The following CCDC27 variants were observed in gnomAD, a reference collection of about 807,000 sequenced individuals.
The protein encoded by CCDC27 is coiled-coil domain containing 27.
CCDC27 carries 80 observed loss-of-function variants against 80.3 expected under a neutral mutation model. That is an observed-to-expected ratio of 1.00 (90% CI 0.83 to 1.20). The LOEUF is 1.20. Among genes scored for constraint, CCDC27 ranks in the 50% most tolerant of loss-of-function variants. The pLI, the probability that CCDC27 is intolerant of heterozygous loss-of-function variation, is 0.00. For missense variants in CCDC27, 815 were observed against 809.4 expected, an observed-to-expected ratio of 1.01 and a Z score of -0.08; for synonymous variants, 342 against 334.3, an observed-to-expected ratio of 1.02 and a Z score of -0.25.
rs768832999 is a variant in CCDC27 at position 3,752,707 on chromosome 1, CGGGACGCCCGGTGCCCAGA to C, written c.227_245del (p.Arg76HisfsTer128). 6.2e-7 allele frequency: 1 copy of C among 1,613,908 alleles called. No homozygotes were observed. Among genetic ancestry groups the C allele is most frequent in the South Asian group, 1.1e-5 (1 of 91,086 alleles). ...GGTGCTCCTCCAGAGCATGGCCAGC[CGGGACGCCCGGTGCCCAGA>C]ATGGAAACCGCACCAAAAGCCACGC... On this transcript the variant is annotated frameshift_variant, in exon 1 of 12. Coordinates refer to ENST00000294600, the MANE Select transcript of CCDC27 (RefSeq NM_152492.3). LOFTEE classifies it high-confidence loss of function.
At position 3,766,080 on chromosome 1, in the gene CCDC27, T is replaced by C. The variant is rs2124596704; in HGVS notation, c.1453-455T>C. ...AGATAGGATCTATGTTACCCACGCTTCTCTCAAATTCCCGACCTCAAGTGA... is the reference window on the plus strand; with the variant it reads ...AGATAGGATCTATGTTACCCACGCTCCTCTCAAATTCCCGACCTCAAGTGA... On this transcript the variant is annotated intron_variant, in intron 8 of 11. Transcript: ENST00000294600. The surrounding 1 kb of genome is among the most constrained non-coding windows in gnomAD (Gnocchi z 6.1). Among the ~76,000 whole-genome samples, 1 of 152,198 alleles carries C rather than the reference T, an allele frequency of 6.6e-6. No homozygotes were observed. Among genetic ancestry groups the C allele is most frequent in the East Asian group, 1.9e-4 (1 of 5,164 alleles).
At position 3,756,770 on chromosome 1, in the gene CCDC27, C is replaced by T. The variant is rs758804138; in HGVS notation, c.591C>T (p.Phe197=). 36 of 1,613,922 alleles carry T rather than the reference C, an allele frequency of 2.2e-5. No homozygotes were observed. The highest frequency in any genetic ancestry group is 6.7e-5 in the African/African-American group (5 of 74,908). The stretch of plus-strand genomic sequence containing the variant: ...CCTTCAGTAAGAGCATCTGCGAGTT[C>T]GATTACTTGCGGAAGAGGAGAAAAT... The part of the protein sequence containing the change: ...LLPFSKSICE[F]DYLRKRRKSQ... The change falls in exon 4 of 12, where the codon TTC becomes TTT. Residue 197 remains phenylalanine, a synonymous_variant. Coordinates refer to ENST00000294600, the MANE Select transcript of CCDC27 (RefSeq NM_152492.3).
chr1:3,761,656 G>T lies in CCDC27; in HGVS notation c.861+226G>T, dbSNP rs76278926. Among the ~76,000 whole-genome samples, 628 of 86,846 alleles carry T rather than the reference G, an allele frequency of 7.2e-3. 2 individuals are homozygous for T. Among genetic ancestry groups the T allele is most frequent in the Non-Finnish European group, 0.016 (446 of 27,242 alleles). 57.0% of individuals were successfully genotyped at this position (86,846 alleles called of 152,430 possible). A position where few individuals can be genotyped will look rare whatever the true frequency, so the allele number is the denominator to read the frequency against. On this transcript the variant is annotated intron_variant, in intron 5 of 11. Transcript: ENST00000294600. This position sits in a 1 kb window ranked among gnomAD's most constrained non-coding sequence, Gnocchi z 5.0. Reference sequence around the variant, plus strand: ...TGAGAGCCATGAGCTGATGCAACAGGGGGGGGAGAGATGAATGGAGGCGCA... The same window carrying T: ...TGAGAGCCATGAGCTGATGCAACAGTGGGGGGAGAGATGAATGGAGGCGCA...
rs1282753674 is a variant in CCDC27 at position 3,768,177 on chromosome 1, C to T, written c.1743+732C>T. ...TGGGGTGATAACAGCTCACTGCAGC[C>T]TTGGCCTCCCAGGCTCAAGCTGTCG... On this transcript the variant is annotated intron_variant, in intron 10 of 11. Transcript: ENST00000294600. This position sits in a 1 kb window ranked among gnomAD's most constrained non-coding sequence, Gnocchi z 5.6. 6.6e-6 allele frequency among the ~76,000 whole-genome samples: 1 copy of T among 151,070 alleles called. No individual in the cohort carries two copies. The highest frequency in any genetic ancestry group is 1.5e-5 in the Non-Finnish European group (1 of 67,910).
chr1:3,757,314 A>G (rs1642981981), intron 4 of CCDC27: 1 of 152,534 alleles, frequency 6.6e-6, no homozygotes, highest in South Asian at 2.1e-4. Context: ...ACTGTCTTAT[A>G]ATTCCGTCAT....
At chr1:3,765,719 CTTTTGGTGTCT>C (rs1643211909) in intron 8 of CCDC27, among the ~76,000 whole-genome samples, 1 of 152,144 alleles carries the variant, frequency 6.6e-6, no homozygotes, top group Admixed American at 6.5e-5. Flanking sequence ...TACAAGTTTG[CTTTTGGTGTCT>C]GTCATTCATC....
Position 3,763,897 on chromosome 1 carries a change from C to A in CCDC27, c.1452+61C>A, listed in dbSNP as rs555907813. On this transcript the variant is annotated intron_variant, in intron 8 of 11. Coordinates refer to ENST00000294600, the MANE Select transcript of CCDC27 (RefSeq NM_152492.3). The surrounding 1 kb of genome is among the most constrained non-coding windows in gnomAD (Gnocchi z 7.5). ...AGCATGGGCCCCAGGCTTCATTAACCCCCGGCAGCTCGGGGCAGGCGCTGC... is the reference window on the plus strand; with the variant it reads ...AGCATGGGCCCCAGGCTTCATTAACACCCGGCAGCTCGGGGCAGGCGCTGC... The A allele has an allele frequency of 2.2e-4, 348 of 1,585,590 alleles. 1 individual carries two copies. In the African/African-American group the frequency reaches 4.0e-3, roughly 18 times the overall value.
In CCDC27 at chr1:3,768,313, T is replaced by G. The variant is rs1271845088; in HGVS notation, c.1743+868T>G. 6.6e-6 allele frequency among the ~76,000 whole-genome samples: 1 copy of G among 152,018 alleles called. No individual in the cohort carries two copies. The highest frequency in any genetic ancestry group is 1.5e-5 in the Non-Finnish European group (1 of 67,990). On this transcript the variant is annotated intron_variant, in intron 10 of 11. Coordinates refer to ENST00000294600, the MANE Select transcript of CCDC27 (RefSeq NM_152492.3). The surrounding 1 kb of genome is among the most constrained non-coding windows in gnomAD (Gnocchi z 5.6). ...GGTCTCACTATGCTGTCCAGGCTGG[T>G]CTTGAACTCCTGGGCTCCAGCAATC...
intron 3 of CCDC27, chr1:3,756,103 G>A (rs1642945023): frequency 6.4e-6 from 1 of 156,686 alleles, no homozygotes; most frequent in East Asian, 1.9e-4. Flanking sequence ...CACTTTGGGA[G>A]GCCAAGGCGG....
intron 11 of CCDC27, among the ~76,000 whole-genome samples, 166 bp downstream of exon 11, chr1:3,770,053 G>A (rs1226628205): frequency 6.6e-6 from 1 of 152,124 alleles, no homozygotes; most frequent in Non-Finnish European, 1.5e-5. Context: ...CTCAGGCAGA[G>A]GGGATCAAAT....
intron 3 of CCDC27, 185 bp downstream of exon 3, chr1:3,755,752 A>G (rs1642937669): frequency 1.7e-6 from 1 of 598,356 alleles, no homozygotes; most frequent in East Asian, 2.8e-5. Flanking sequence ...CCCTGACAGC[A>G]TAGGCTGCAG....
At chr1:3,770,902 C>T (rs1247396331) in intron 11 of CCDC27, among the ~76,000 whole-genome samples, 2 of 152,158 alleles carry the variant, frequency 1.3e-5, no homozygotes, top group East Asian at 3.9e-4. Context: ...CCTTTGCTTG[C>T]TTGCCATAGC....
chr1:3,768,509 C>G lies in CCDC27; in HGVS notation c.1743+1064C>G, dbSNP rs577646267. Among the ~76,000 whole-genome samples the G allele has an allele frequency of 1.2e-4, 18 of 152,294 alleles. No individual in the cohort carries two copies. The highest frequency in any genetic ancestry group is 4.3e-4 in the African/African-American group (18 of 41,562). ...CTGCAACTCAACTGCGTCCTCTTTCCTGCTTGAGTCCACCTCCTTCCGGCT... is the reference window on the plus strand; with the variant it reads ...CTGCAACTCAACTGCGTCCTCTTTCGTGCTTGAGTCCACCTCCTTCCGGCT... On this transcript the variant is annotated intron_variant, in intron 10 of 11. Coordinates refer to ENST00000294600, the MANE Select transcript of CCDC27 (RefSeq NM_152492.3). This position sits in a 1 kb window ranked among gnomAD's most constrained non-coding sequence, Gnocchi z 5.6.
chr1:3,768,731 G>A lies in CCDC27; in HGVS notation c.1744-1052G>A, dbSNP rs1045754574. Among the ~76,000 whole-genome samples the A allele has an allele frequency of 3.3e-5, 5 of 152,266 alleles. No individual in the cohort carries two copies. The highest frequency in any genetic ancestry group is 2.1e-4 in the South Asian group (1 of 4,824). On this transcript the variant is annotated intron_variant, in intron 10 of 11. Coordinates refer to ENST00000294600, the MANE Select transcript of CCDC27 (RefSeq NM_152492.3). This position sits in a 1 kb window ranked among gnomAD's most constrained non-coding sequence, Gnocchi z 5.6. The stretch of plus-strand genomic sequence containing the variant: ...TAAGTCCGGGTGAGCAGGAACTAGC[G>A]CCAAGCCTGATGGTGAGGCCCCACG...
At chr1:3,758,190 A>T (rs1181886) in intron 4 of CCDC27, among the ~76,000 whole-genome samples, 28,108 of 151,890 alleles carry the variant, frequency 0.19, 2,724 homozygotes, top group East Asian at 0.28. Flanking sequence ...TTTATTAATT[A>T]ATTTATTTAT....
In CCDC27 at chr1:3,752,675, G is replaced by C. The variant is rs1178168990; in HGVS notation, c.194G>C (p.Arg65Thr). The change falls in exon 1 of 12, where the codon AGG becomes ACG. Residue 65 changes from arginine (R) to threonine (T), a missense_variant. Coordinates refer to ENST00000294600, the MANE Select transcript of CCDC27 (RefSeq NM_152492.3). ...RHSSMSSSMA[R>T]ALVLLQSMAS... is the part of the protein sequence containing the mutation. ...AGTTCGATGTCCAGCTCGATGGCCA[G>C]GGCCCTGGTGCTCCTCCAGAGCATG... 2 of 1,614,040 alleles carry C rather than the reference G, an allele frequency of 1.2e-6. No individual in the cohort carries two copies. Among genetic ancestry groups the C allele is most frequent in the East Asian group, 2.2e-5 (1 of 44,890 alleles).
rs899518219 is a variant in CCDC27 at position 3,761,376 on chromosome 1, G to A, written c.807G>A (p.Leu269=). The change falls in exon 5 of 12, where the codon CTG becomes CTA. Residue 269 remains leucine (L), a synonymous_variant. Transcript: ENST00000294600. The surrounding 1 kb of genome is among the most constrained non-coding windows in gnomAD (Gnocchi z 5.0). ...AGAGGGAGGCCCTGAAGATGCAGCT[G>A]AAATGCCTTCTGAAAGGCAAAGGCC... ...QEEREALKMQ[L]KCLLKGKGQE... 6.8e-6 allele frequency: 11 copies of A among 1,614,044 alleles called. No homozygotes were observed. The highest frequency in any genetic ancestry group is 5.3e-5 in the African/African-American group (4 of 74,940).
At chr1:3,754,301 G>C in intron 2 of CCDC27, 60 bp downstream of exon 2, 1 of 1,516,982 alleles carries the variant, frequency 6.6e-7, no homozygotes, top group Non-Finnish European at 8.8e-7. Flanking sequence ...GGGGCCGGGG[G>C]AGGCCTTCCT....
chr1:3,759,448 C>G (rs1233881559), intron 4 of CCDC27, among the ~76,000 whole-genome samples: 2 of 152,170 alleles, frequency 1.3e-5, no homozygotes, highest in Non-Finnish European at 2.9e-5. Flanking sequence ...TGCCTTGTGC[C>G]TCCTTTCTTT....
Sources: gnomAD v4.1 joint callset for allele counts (sites outside exome capture counted in the v4.1 genomes callset) on GRCh38, gnomAD v4.1.1 for gene constraint, Gnocchi (gnomAD v3.1) non-coding constraint, MANE v1.5 for transcripts, NCBI Gene and HGNC (gene_info 2026-07-23, HGNC 2026-07-21) for gene names.